CHRNA9: variants seen among roughly 807,000 people sequenced by gnomAD.
CHRNA9 encodes the protein neuronal acetylcholine receptor subunit alpha-9.
In CHRNA9, 24 loss-of-function variants were observed where a neutral mutation model predicts 36.8. The ratio of observed to expected loss-of-function variants is 0.65; its 90% CI spans 0.47 to 0.92. CHRNA9 has a LOEUF of 0.92. CHRNA9 is among the 40% of genes least tolerant of loss of function. CHRNA9 has a pLI of 0.00. For missense variants in CHRNA9, 610 were observed against 601.2 expected (o/e 1.01, Z -0.15); for synonymous variants, 231 against 231.8 (o/e 1.00, Z 0.03).
chr4:40,347,576 C>G (rs934730958), intron 3 of CHRNA9, among the ~76,000 whole-genome samples: 1 of 151,718 alleles, frequency 6.6e-6, no homozygotes, highest in African/African-American at 2.4e-5. Context: ...TATTTTTTTG[C>G]AAGTTAACTT....
At chr4:40,344,713 C>A (rs1712589290) in intron 3 of CHRNA9, among the ~76,000 whole-genome samples, 2 of 152,080 alleles carry the variant, frequency 1.3e-5, no homozygotes, top group Non-Finnish European at 1.5e-5. Context: ...GAATCAGGTT[C>A]TGAACTCAAA....
rs1241762912 is a variant in CHRNA9, at chr4:40,354,823, A to G, written c.*303A>G. ...ACCTCTTTGGCAGTACAGATAACAA[A>G]ATACACTTTACTGGTAAAATTTAAA... is the stretch of plus-strand genomic sequence containing the variant. On this transcript the variant is annotated 3_prime_UTR_variant, in exon 5 of 5. Coordinates refer to ENST00000310169, the MANE Select transcript of CHRNA9 (RefSeq NM_017581.4). 4.3e-6 allele frequency: 1 copy of G among 230,948 alleles called. No homozygotes were observed. Among genetic ancestry groups the G allele is most frequent in the African/African-American group, 2.3e-5 (1 of 44,442 alleles). The allele number at this position is 230,948 out of a possible 1,614,324, so 14.3% of individuals were successfully genotyped here. A position where few individuals can be genotyped will look rare whatever the true frequency, so the allele number is the denominator to read the frequency against.
intron 3 of CHRNA9, among the ~76,000 whole-genome samples, chr4:40,346,291 A>G (rs1353261345): frequency 6.6e-6 from 1 of 152,152 alleles, no homozygotes; most frequent in East Asian, 1.9e-4. Context: ...CTTCATGCAA[A>G]TCTTTCCTTC....
At chr4:40,340,704 A>T (rs944177169) in intron 3 of CHRNA9, among the ~76,000 whole-genome samples, 4 of 152,184 alleles carry the variant, frequency 2.6e-5, no homozygotes, top group Non-Finnish European at 2.9e-5. Context: ...AGGCAGGAAG[A>T]TGCTTAGCAT....
intron 2 of CHRNA9, among the ~76,000 whole-genome samples, chr4:40,336,988 A>T (rs922224618): frequency 1.3e-5 from 2 of 152,174 alleles, no homozygotes; most frequent in African/African-American, 4.8e-5. Flanking sequence ...ATACTAAAAT[A>T]TTTGTCCACT....
At chr4:40,337,483 C>G (rs2109676673) in intron 3 of CHRNA9, 119 bp downstream of exon 3, 1 of 1,084,232 alleles carries the variant, frequency 9.2e-7, no homozygotes, top group South Asian at 2.0e-5. Flanking sequence ...ATCCATGTTC[C>G]TAGGACTTAC....
Position 40,336,005 on chromosome 4 carries a change from G to T in CHRNA9, c.210+33G>T, listed in dbSNP as rs200975157. 334 of 1,572,052 alleles carry T rather than the reference G, an allele frequency of 2.1e-4. 2 individuals carry two copies. The highest frequency in any genetic ancestry group is 2.2e-4 in the Admixed American group (13 of 58,364). ...ACACATGGTGCTGACTCTGTGGAAT[G>T]ATTCTTAGAGGATAAACAACCATGC... On this transcript the variant is annotated intron_variant, in intron 2 of 4. Transcript: ENST00000310169.
At chr4:40,340,268 G>A (rs1029743858) in intron 3 of CHRNA9, among the ~76,000 whole-genome samples, 3 of 152,006 alleles carry the variant, frequency 2.0e-5, no homozygotes, top group Non-Finnish European at 4.4e-5. Context: ...TCTCCTTTTT[G>A]TTCCTCTGGT....
At chr4:40,346,599 T>C (rs1712644352) in intron 3 of CHRNA9, among the ~76,000 whole-genome samples, 1 of 152,198 alleles carries the variant, frequency 6.6e-6, no homozygotes, top group South Asian at 2.1e-4. Flanking sequence ...TTCTCACGGT[T>C]ACAGGAGGAA....
In CHRNA9 at chr4:40,335,879, T is replaced by A. The variant is rs1712304649; in HGVS notation, c.117T>A (p.Phe39Leu). ...CTCAGAAGTTGTTTAATGACCTTTT[T>A]GAAGATTATTCTAATGCTCTTCGTC... ...KYAQKLFNDLFEDYSNALRPV... is the reference protein window; with the variant it reads ...KYAQKLFNDLLEDYSNALRPV... Residue 39 changes from phenylalanine (F) to leucine (L), a missense_variant, in exon 2 of 5, where the codon TTT (phenylalanine) becomes TTA (leucine). Coordinates refer to ENST00000310169, the MANE Select transcript of CHRNA9 (RefSeq NM_017581.4). 6.2e-7 allele frequency: 1 copy of A among 1,612,200 alleles called. No homozygotes were observed.
chr4:40,354,632 G>C lies in CHRNA9; in HGVS notation c.*112G>C, dbSNP rs1315426825. The C allele has an allele frequency of 4.0e-5, 36 of 903,146 alleles. No homozygotes were observed. Among genetic ancestry groups the C allele is most frequent in the Non-Finnish European group, 2.0e-5 (12 of 590,772 alleles). The allele number at this position is 903,146 out of a possible 1,614,324, so 55.9% of individuals were successfully genotyped here. On this transcript the variant is annotated 3_prime_UTR_variant, in exon 5 of 5. Coordinates refer to ENST00000310169, the MANE Select transcript of CHRNA9 (RefSeq NM_017581.4). ...CTATAATTTAGGGGTTATGTTGTCT[G>C]TGCTTTTTATTTTTAGCTTCAAATG... is the stretch of plus-strand genomic sequence containing the variant.
chr4:40,335,567 A>C, intron 1 of CHRNA9, 36 bp downstream of exon 1: 1 of 1,511,314 alleles, frequency 6.6e-7, no homozygotes, highest in Non-Finnish European at 9.2e-7. Flanking sequence ...ATCTTGTCTC[A>C]TCTGGGGCTA....
Position 40,354,754 on chromosome 4 carries a change from C to A in CHRNA9, c.*234C>A. 2.2e-6 allele frequency: 1 copy of A among 457,212 alleles called. No homozygotes were observed. Among genetic ancestry groups the A allele is most frequent in the Non-Finnish European group, 3.9e-6 (1 of 257,058 alleles). 28.3% of individuals were successfully genotyped at this position (457,212 alleles called of 1,614,324 possible). ...ATAGGGAAAGAGCCCTTTTATAGCC[C>A]ACCGTAGTGGTGGGTGACTGGCCTC... On this transcript the variant is annotated 3_prime_UTR_variant, in exon 5 of 5. Coordinates refer to ENST00000310169, the MANE Select transcript of CHRNA9 (RefSeq NM_017581.4).
At chr4:40,337,420 A>T (rs1712357365) in intron 3 of CHRNA9, 56 bp downstream of exon 3, 2 of 1,554,026 alleles carry the variant, frequency 1.3e-6, no homozygotes, top group East Asian at 4.5e-5. Flanking sequence ...ATTTCATAGA[A>T]TTTAAACATA....
intron 3 of CHRNA9, among the ~76,000 whole-genome samples, chr4:40,343,279 A>G (rs962918815): frequency 2.0e-5 from 3 of 152,222 alleles, no homozygotes; most frequent in African/African-American, 7.2e-5. Context: ...AGACATACCC[A>G]AGACTGGGTA....
chr4:40,348,041 C>A (rs1210572902), intron 3 of CHRNA9: 1 of 152,202 alleles, frequency 6.6e-6, no homozygotes, highest in Non-Finnish European at 1.5e-5. Flanking sequence ...CAAGGCTGCT[C>A]TAGTGTTCAA....
chr4:40,340,289 G>A (rs1219718966), intron 3 of CHRNA9, among the ~76,000 whole-genome samples: 1 of 152,074 alleles, frequency 6.6e-6, no homozygotes, highest in Non-Finnish European at 1.5e-5. Flanking sequence ...TGACTCTTTA[G>A]TCATCTCTGT....
chr4:40,351,800 G>T (rs1471592282), intron 4 of CHRNA9, among the ~76,000 whole-genome samples: 1 of 152,142 alleles, frequency 6.6e-6, no homozygotes, highest in African/African-American at 2.4e-5. Flanking sequence ...TTCTGATGTT[G>T]AACTCTTTTG....
At chr4:40,337,868 T>A (rs1163804977) in intron 3 of CHRNA9, among the ~76,000 whole-genome samples, 1 of 152,232 alleles carries the variant, frequency 6.6e-6, no homozygotes, top group Non-Finnish European at 1.5e-5. Context: ...GGCATTCTCC[T>A]GTGTGTTCCC....
Sources: gnomAD v4.1 joint callset for allele counts (sites outside exome capture counted in the v4.1 genomes callset) on GRCh38, gnomAD v4.1.1 for gene constraint, MANE v1.5 for transcripts, NCBI Gene and HGNC (gene_info 2026-07-23, HGNC 2026-07-21) for gene names.